ZNF385B: variants seen among roughly 807,000 people sequenced by gnomAD.
ZNF385B encodes the protein zinc finger protein 385B, also known as zinc finger protein 533.
In ZNF385B, 23 loss-of-function variants were observed where a neutral mutation model predicts 39.2. The observed-to-expected ratio is 0.59, with a 90% CI of 0.42 to 0.83. The LOEUF (loss-of-function observed/expected upper bound fraction) is 0.83, where lower values mean the gene tolerates loss of function less well. Among genes scored for constraint, ZNF385B ranks in the 40% least tolerant of loss-of-function variants. The probability of loss-of-function intolerance (pLI) is 0.00; values close to 1 mark genes in which losing one functional copy is unlikely to be tolerated. For synonymous variants in ZNF385B, 205 were observed against 222.6 expected (o/e 0.92, Z 0.70); for missense variants, 552 against 598.9 (o/e 0.92, Z 0.82).
At chr2:179,515,556 A>G (rs1311800506) in intron 5 of ZNF385B, among the ~76,000 whole-genome samples, 1 of 152,234 alleles carries the variant, frequency 6.6e-6, no homozygotes, top group African/African-American at 2.4e-5. Flanking sequence ...AACTCTAAAA[A>G]TTTGAACAAT....
intron 1 of ZNF385B, among the ~76,000 whole-genome samples, chr2:179,774,517 C>T (rs959636096): frequency 2.6e-5 from 4 of 152,090 alleles, no homozygotes; most frequent in African/African-American, 7.2e-5. Flanking sequence ...CACACCACCA[C>T]GCCCAGCTAA....
At position 179,445,834 on chromosome 2, in the gene ZNF385B, T is replaced by C. The variant is rs1172013821; in HGVS notation, c.962-106A>G. On this transcript the variant is annotated intron_variant, in intron 7 of 9. Transcript: ENST00000410066. ...ACCTGCAGGCTAAAATTCCCAATGC[T>C]TTTTTAAAAATGATCACTTTAATGC... 3 of 1,125,228 alleles carry C rather than the reference T, an allele frequency of 2.7e-6. No homozygotes were observed. In the East Asian group the frequency reaches 8.2e-5, roughly 31 times the overall value. The allele number at this position is 1,125,228 out of a possible 1,614,324, so 69.7% of individuals were successfully genotyped here.
chr2:179,620,056 C>T (rs909734342), intron 3 of ZNF385B, among the ~76,000 whole-genome samples: 3 of 152,166 alleles, frequency 2.0e-5, no homozygotes, highest in Non-Finnish European at 4.4e-5. Flanking sequence ...AGGCCTTTCT[C>T]CTTTTGCCTA....
At chr2:179,525,708 C>A (rs1273710303) in intron 4 of ZNF385B, among the ~76,000 whole-genome samples, 3 of 152,140 alleles carry the variant, frequency 2.0e-5, no homozygotes, top group African/African-American at 7.2e-5. Context: ...TATTTTTTAT[C>A]CCTTCCTTCT....
At chr2:179,567,348 A>G (rs1684714703) in intron 3 of ZNF385B, among the ~76,000 whole-genome samples, 1 of 152,192 alleles carries the variant, frequency 6.6e-6, no homozygotes, top group Non-Finnish European at 1.5e-5. Flanking sequence ...AAAAACAAAC[A>G]AACATATTTT....
chr2:179,654,961 A>C (rs1182835569), intron 3 of ZNF385B, among the ~76,000 whole-genome samples: 2 of 152,184 alleles, frequency 1.3e-5, no homozygotes, highest in African/African-American at 4.8e-5. Context: ...TGGAGACAGA[A>C]TCTGAGCCAA....
At chr2:179,613,380 G>T (rs566308219) in intron 3 of ZNF385B, among the ~76,000 whole-genome samples, 35 of 152,046 alleles carry the variant, frequency 2.3e-4, no homozygotes, top group Non-Finnish European at 4.1e-4. Flanking sequence ...CTCACCCAAG[G>T]CCCATCTCTG....
intron 3 of ZNF385B, among the ~76,000 whole-genome samples, chr2:179,749,427 A>C (rs1575416057): frequency 2.0e-5 from 3 of 152,192 alleles, no homozygotes; most frequent in South Asian, 2.1e-4. Context: ...CAGCTGGCCC[A>C]AAAACCAGCT....
At chr2:179,820,491 T>C (rs1431367505) in intron 1 of ZNF385B, among the ~76,000 whole-genome samples, 1 of 151,992 alleles carries the variant, frequency 6.6e-6, no homozygotes, top group Non-Finnish European at 1.5e-5. Context: ...CTGTGTTCTA[T>C]CTTTACTCTT....
chr2:179,502,937 G>A (rs1371335553), intron 5 of ZNF385B, among the ~76,000 whole-genome samples: 1 of 152,166 alleles, frequency 6.6e-6, no homozygotes, highest in Non-Finnish European at 1.5e-5. Context: ...GCAGTGGTGG[G>A]ATCATGGCTC....
rs547735747 is a variant in ZNF385B, at chr2:179,446,516, G to C, written c.961+9C>G. 6.2e-7 allele frequency: 1 copy of C among 1,602,026 alleles called. No individual in the cohort carries two copies. The highest frequency in any genetic ancestry group is 1.1e-5 in the South Asian group (1 of 88,742). Reference sequence around the variant, plus strand: ...AAACATTATTTAAATGCAAAAGATAGCTGCTAACCTGTGTTGTGTGCCTCT... The same window carrying C: ...AAACATTATTTAAATGCAAAAGATACCTGCTAACCTGTGTTGTGTGCCTCT... On this transcript the variant is annotated intron_variant, in intron 7 of 9. Transcript: ENST00000410066.
At chr2:179,538,580 T>A (rs2059728584) in intron 4 of ZNF385B, among the ~76,000 whole-genome samples, 1 of 152,214 alleles carries the variant, frequency 6.6e-6, no homozygotes, top group East Asian at 1.9e-4. Context: ...GGTTCTAGAA[T>A]GATAAAATAA....
chr2:179,682,617 T>C (rs541020050), intron 3 of ZNF385B, among the ~76,000 whole-genome samples: 20 of 152,310 alleles, frequency 1.3e-4, no homozygotes, highest in South Asian at 6.2e-4. Flanking sequence ...CTTCCTAGCA[T>C]TGGGTTTGTG....
intron 3 of ZNF385B, among the ~76,000 whole-genome samples, chr2:179,658,694 G>A (rs1465061967): frequency 6.6e-6 from 1 of 152,160 alleles, no homozygotes; most frequent in Non-Finnish European, 1.5e-5. Context: ...TAAATACACT[G>A]AAAAGTAAAA....
intron 6 of ZNF385B, among the ~76,000 whole-genome samples, chr2:179,453,519 G>A (rs1300839044): frequency 6.6e-6 from 1 of 152,152 alleles, no homozygotes; most frequent in Non-Finnish European, 1.5e-5. Flanking sequence ...AGCTAGAAAT[G>A]GAGGTAAGAA....
At chr2:179,635,568 A>C (rs1691683670) in intron 3 of ZNF385B, among the ~76,000 whole-genome samples, 1 of 152,156 alleles carries the variant, frequency 6.6e-6, no homozygotes, top group South Asian at 2.1e-4. Flanking sequence ...GAAATCCCAA[A>C]TACAAAATTA....
intron 5 of ZNF385B, among the ~76,000 whole-genome samples, chr2:179,492,282 G>T (rs1019652964): frequency 2.0e-5 from 3 of 152,136 alleles, no homozygotes; most frequent in African/African-American, 7.2e-5. Flanking sequence ...GACTGCCATT[G>T]TGTGCTTCAT....
At chr2:179,679,083 T>C (rs1245651030) in intron 3 of ZNF385B, among the ~76,000 whole-genome samples, 1 of 152,184 alleles carries the variant, frequency 6.6e-6, no homozygotes, top group Admixed American at 6.5e-5. Context: ...GTCTAATATA[T>C]AGAAGGAACT....
chr2:179,689,561 T>C (rs12693204), intron 3 of ZNF385B, among the ~76,000 whole-genome samples: 67,954 of 151,894 alleles, frequency 0.45, 15,422 homozygotes, highest in African/African-American at 0.5. Flanking sequence ...GAAAGGAAGG[T>C]AAGCTTATTG....
Sources: gnomAD v4.1 joint callset for allele counts (sites outside exome capture counted in the v4.1 genomes callset) on GRCh38, gnomAD v4.1.1 for gene constraint, MANE v1.5 for transcripts, NCBI Gene and HGNC (gene_info 2026-07-23, HGNC 2026-07-21) for gene names.